The following MAP3K5 variants were observed in gnomAD, a reference collection of about 807,000 sequenced individuals.
MAP3K5 encodes ASK-1.
MAP3K5 carries 56 observed loss-of-function variants against 158.7 expected under a neutral mutation model. The ratio of observed to expected loss-of-function variants is 0.35; its 90% CI spans 0.28 to 0.44. MAP3K5 has a LOEUF of 0.44. Ranked by LOEUF, MAP3K5 falls within the 20% of genes least tolerant of loss-of-function variation. The probability of loss-of-function intolerance (pLI) is 1.00; values close to 1 mark genes in which losing one functional copy is unlikely to be tolerated. For missense variants in MAP3K5, 1,294 were observed against 1,674.8 expected (o/e 0.77, Z 3.97); for synonymous variants, 579 against 601.7 (o/e 0.96, Z 0.55).
chr6:136,645,104 A>G (rs2114347050), intron 11 of MAP3K5, among the ~76,000 whole-genome samples: 1 of 151,822 alleles, frequency 6.6e-6, no homozygotes, highest in South Asian at 2.1e-4. Flanking sequence ...AATTTTTTTA[A>G]ATTTTTTTGT....
chr6:136,780,067 G>A (rs1784556012), intron 1 of MAP3K5, among the ~76,000 whole-genome samples: 1 of 152,118 alleles, frequency 6.6e-6, no homozygotes, highest in East Asian at 1.9e-4. Context: ...ACTTGGAAAA[G>A]GTCAAAAGGT....
intron 25 of MAP3K5, among the ~76,000 whole-genome samples, chr6:136,570,148 T>C (rs1261303040): frequency 5.3e-5 from 8 of 152,170 alleles, no homozygotes; most frequent in African/African-American, 1.4e-4. Flanking sequence ...GGGGAGTCCA[T>C]TGGGAGCAAT....
chr6:136,685,696 G>A (rs1158803705), intron 7 of MAP3K5, among the ~76,000 whole-genome samples: 3 of 152,124 alleles, frequency 2.0e-5, no homozygotes, highest in Non-Finnish European at 4.4e-5. Flanking sequence ...AGAAGCCTGA[G>A]GGACTGACTA....
intron 26 of MAP3K5, among the ~76,000 whole-genome samples, chr6:136,565,659 T>C (rs1774072166): frequency 6.6e-6 from 1 of 152,236 alleles, no homozygotes; most frequent in East Asian, 1.9e-4. Context: ...TCCTCTAGAT[T>C]CATTTTGCGG....
chr6:136,660,514 C>T (rs1583366542), intron 8 of MAP3K5, among the ~76,000 whole-genome samples: 1 of 152,266 alleles, frequency 6.6e-6, no homozygotes, highest in Non-Finnish European at 1.5e-5. Flanking sequence ...GATACTCCAA[C>T]TTTGTTCTTT....
intron 7 of MAP3K5, among the ~76,000 whole-genome samples, chr6:136,688,105 T>C (rs1010683004): frequency 6.6e-6 from 1 of 152,178 alleles, no homozygotes; most frequent in African/African-American, 2.4e-5. Flanking sequence ...AAGGGTGAGT[T>C]CATGTCCTTT....
chr6:136,663,715 T>A (rs1171210899), intron 8 of MAP3K5, among the ~76,000 whole-genome samples: 1 of 151,710 alleles, frequency 6.6e-6, no homozygotes, highest in Non-Finnish European at 1.5e-5. Context: ...GTTCAAGCGA[T>A]TCTCCTGTCT....
rs140110518 is a variant in MAP3K5 at position 136,792,464 on chromosome 6, T to G, written c.-307A>C. Reference sequence around the variant, plus strand: ...ACGGAGCTTCCTTTTCTTGGCCGGCTGACAAGTCGGCTCGCAAACCTGCGC... The same window carrying G: ...ACGGAGCTTCCTTTTCTTGGCCGGCGGACAAGTCGGCTCGCAAACCTGCGC... On this transcript the variant is annotated 5_prime_UTR_variant, in exon 1 of 30. Transcript: ENST00000359015. This position sits in a 1 kb window ranked among gnomAD's most constrained non-coding sequence, Gnocchi z 5.7. 13 of 823,426 alleles carry G rather than the reference T, an allele frequency of 1.6e-5. No homozygotes were observed. The highest frequency in any genetic ancestry group is 1.9e-5 in the Non-Finnish European group (13 of 683,188). The allele number at this position is 823,426 out of a possible 1,614,324, so 51.0% of individuals were successfully genotyped here. A position where few individuals can be genotyped will look rare whatever the true frequency, so the allele number is the denominator to read the frequency against.
chr6:136,635,060 A>C (rs1381405205), intron 14 of MAP3K5, among the ~76,000 whole-genome samples: 1 of 151,498 alleles, frequency 6.6e-6, no homozygotes, highest in East Asian at 1.9e-4. Context: ...TAGGCTATGC[A>C]TATTTTTGGT....
intron 1 of MAP3K5, among the ~76,000 whole-genome samples, chr6:136,789,498 T>G (rs918620233): frequency 6.6e-6 from 1 of 151,022 alleles, no homozygotes; most frequent in African/African-American, 2.4e-5. Context: ...AGGGACAGAG[T>G]GGGCGCAGGA....
At chr6:136,585,301 A>G (rs1257679910) in intron 23 of MAP3K5, among the ~76,000 whole-genome samples, 2 of 151,020 alleles carry the variant, frequency 1.3e-5, no homozygotes, top group Non-Finnish European at 3.0e-5. Context: ...AACTTTTTGT[A>G]GAGACTGGGT....
chr6:136,759,542 C>T (rs1288945306), intron 1 of MAP3K5, among the ~76,000 whole-genome samples: 1 of 147,038 alleles, frequency 6.8e-6, no homozygotes, highest in African/African-American at 2.5e-5. Context: ...ACAATCACAG[C>T]TCACTGCAAC....
rs1016920970 is a variant in MAP3K5, at chr6:136,626,920, G to A, written c.2017-3939C>T. Among the ~76,000 whole-genome samples, 4 of 152,246 alleles carry A rather than the reference G, an allele frequency of 2.6e-5. No individual in the cohort carries two copies. In the East Asian group the frequency reaches 5.8e-4, roughly 22 times the overall value. On this transcript the variant is annotated intron_variant, in intron 14 of 29. Transcript: ENST00000359015. ...ATATCAGAGTTGTGGTTTGAAACCA[G>A]CTTGTGAGATTCCAGATTTTGTATC...
chr6:136,771,478 G>T (rs1784197119), intron 1 of MAP3K5, among the ~76,000 whole-genome samples: 1 of 152,078 alleles, frequency 6.6e-6, no homozygotes. Flanking sequence ...CAATACCAGG[G>T]AGTTACCACC....
intron 7 of MAP3K5, among the ~76,000 whole-genome samples, chr6:136,676,284 G>C (rs112397410): frequency 7.4e-4 from 113 of 152,200 alleles, no homozygotes; most frequent in African/African-American, 2.5e-3. Context: ...TTCCTACCAA[G>C]AACCAGGCTG....
chr6:136,611,237 T>G, intron 18 of MAP3K5, 45 bp downstream of exon 18: 1 of 1,214,648 alleles, frequency 8.2e-7, no homozygotes, highest in Non-Finnish European at 1.2e-6. Context: ...TCAGCAATTA[T>G]TTCTTTAATT....
chr6:136,678,978 G>A (rs1278394569), intron 7 of MAP3K5, among the ~76,000 whole-genome samples: 5 of 151,890 alleles, frequency 3.3e-5, no homozygotes, highest in South Asian at 2.1e-4. Flanking sequence ...CACATGCCTC[G>A]GCCTCCCGAA....
At chr6:136,561,715 A>G in intron 27 of MAP3K5, 70 bp from the exon 28 acceptor site, 1 of 830,200 alleles carries the variant, frequency 1.2e-6, no homozygotes, top group Admixed American at 1.9e-5. Context: ...CTCACAATCA[A>G]CAGACATTTA....
At chr6:136,660,544 T>G (rs1486291214) in intron 8 of MAP3K5, among the ~76,000 whole-genome samples, 3 of 152,240 alleles carry the variant, frequency 2.0e-5, no homozygotes, top group African/African-American at 2.4e-5. Flanking sequence ...GTTTTGGCAC[T>G]TCTATGTTCT....
Sources: gnomAD v4.1 joint callset for allele counts (sites outside exome capture counted in the v4.1 genomes callset) on GRCh38, gnomAD v4.1.1 for gene constraint, Gnocchi (gnomAD v3.1) non-coding constraint, MANE v1.5 for transcripts, NCBI Gene and HGNC (gene_info 2026-07-23, HGNC 2026-07-21) for gene names.